The following GALNTL6 variants were observed in gnomAD, a reference collection of about 807,000 sequenced individuals.
The protein encoded by GALNTL6 is polypeptide N-acetylgalactosaminyltransferase like 6, also known as polypeptide N-acetylgalactosaminyltransferase-like 6.
GALNTL6 carries 46 observed loss-of-function variants against 73.7 expected under a neutral mutation model. The observed-to-expected ratio is 0.62, with a 90% CI of 0.49 to 0.80. GALNTL6 has a LOEUF of 0.80. Ranked by LOEUF, GALNTL6 falls within the 30% of genes least tolerant of loss-of-function variation. The pLI is 0.00. For synonymous variants in GALNTL6, 259 were observed against 263.7 expected (o/e 0.98, Z 0.17); for missense variants, 604 against 755.0 (o/e 0.80, Z 2.34).
chr4:172,016,744 T>C lies in GALNTL6; in HGVS notation c.138+202026T>C, dbSNP rs1011476462. On this transcript the variant is annotated intron_variant, in intron 2 of 12. Coordinates refer to ENST00000506823, the MANE Select transcript of GALNTL6 (RefSeq NM_001034845.3). ...TTTAATTTATTTTTTATTGGATTGA[T>C]TTTTCTTTTAATTTAATTTTTTTAT... 3.5e-5 allele frequency among the ~76,000 whole-genome samples: 5 copies of C among 141,370 alleles called. 1 individual carries two copies. In the East Asian group the frequency reaches 6.1e-4, roughly 17 times the overall value. 92.7% of individuals were successfully genotyped at this position (141,370 alleles called of 152,430 possible).
At position 172,809,912 on chromosome 4, in the gene GALNTL6, T is replaced by TACACAC. The variant is rs5864170; in HGVS notation, c.739+400_739+405dup. Among the ~76,000 whole-genome samples, 457 of 141,234 alleles carry TACACAC rather than the reference T, an allele frequency of 3.2e-3. 1 individual carries two copies. The highest frequency in any genetic ancestry group is 4.3e-3 in the Admixed American group (61 of 14,028). 92.7% of individuals were successfully genotyped at this position (141,234 alleles called of 152,430 possible). A position where few individuals can be genotyped will look rare whatever the true frequency, so the allele number is the denominator to read the frequency against. ...TCCTGTAGCTACAGCAAGATTAAAA[T>TACACAC]ACACACACACACACACACACACACA... On this transcript the variant is annotated intron_variant, in intron 6 of 12. Coordinates refer to ENST00000506823, the MANE Select transcript of GALNTL6 (RefSeq NM_001034845.3). This position sits in a 1 kb window ranked among gnomAD's most constrained non-coding sequence, Gnocchi z 4.4.
At chr4:172,150,832 C>T (rs1251323940) in intron 2 of GALNTL6, among the ~76,000 whole-genome samples, 1 of 152,000 alleles carries the variant, frequency 6.6e-6, no homozygotes, top group African/African-American at 2.4e-5. Context: ...TTAATAATGT[C>T]TTATAGTACA....
At chr4:172,898,423 A>G (rs557084613) in intron 8 of GALNTL6, among the ~76,000 whole-genome samples, 4 of 151,614 alleles carry the variant, frequency 2.6e-5, no homozygotes, top group East Asian at 3.9e-4. Flanking sequence ...GCAAAAGGTT[A>G]TACTCCAAAC....
intron 5 of GALNTL6, among the ~76,000 whole-genome samples, chr4:172,662,525 G>A (rs993003306): frequency 6.6e-6 from 1 of 152,288 alleles, no homozygotes; most frequent in Middle Eastern, 3.4e-3. Flanking sequence ...GGGAAACCTG[G>A]AGCAGAAACG....
At chr4:172,115,056 A>G (rs1315332804) in intron 2 of GALNTL6, among the ~76,000 whole-genome samples, 1 of 152,052 alleles carries the variant, frequency 6.6e-6, no homozygotes, top group Non-Finnish European at 1.5e-5. Context: ...GCATAATGAG[A>G]TTTCATTGTG....
chr4:172,624,654 A>G (rs1739093321), intron 5 of GALNTL6, among the ~76,000 whole-genome samples: 1 of 152,116 alleles, frequency 6.6e-6, no homozygotes. Flanking sequence ...ACAAGTATCT[A>G]CTGCTCTGCA....
chr4:172,317,337 G>A (rs1014425730), intron 4 of GALNTL6, among the ~76,000 whole-genome samples: 13 of 152,260 alleles, frequency 8.5e-5, no homozygotes, highest in East Asian at 5.8e-4. Flanking sequence ...GCCCATTTCC[G>A]TAAGCGGGGA....
intron 2 of GALNTL6, among the ~76,000 whole-genome samples, chr4:172,043,185 T>C (rs1742132127): frequency 6.6e-6 from 1 of 152,076 alleles, no homozygotes; most frequent in African/African-American, 2.4e-5. Context: ...CATTTCTTCC[T>C]CAGGAGAATG....
chr4:172,235,832 A>G lies in GALNTL6; in HGVS notation c.247+6068A>G, dbSNP rs147460790. On this transcript the variant is annotated intron_variant, in intron 3 of 12. Coordinates refer to ENST00000506823, the MANE Select transcript of GALNTL6 (RefSeq NM_001034845.3). The stretch of plus-strand genomic sequence containing the variant: ...GTAGTCCCCAGTGTCTACTATTCCC[A>G]TCTTTTTGTCCAGGTATGCCCAGTG... 1.7e-4 allele frequency among the ~76,000 whole-genome samples: 26 copies of G among 152,004 alleles called. No individual in the cohort carries two copies. The East Asian group carries it at 4.9e-3, about 28-fold the overall frequency.
chr4:172,799,286 A>G (rs569978966), intron 5 of GALNTL6, among the ~76,000 whole-genome samples: 1 of 152,310 alleles, frequency 6.6e-6, no homozygotes, highest in East Asian at 1.9e-4. Context: ...GAAGCTGAGA[A>G]GTTTTCAAAC....
intron 2 of GALNTL6, among the ~76,000 whole-genome samples, chr4:171,914,483 T>G (rs1737560115): frequency 1.4e-5 from 2 of 142,868 alleles, no homozygotes; most frequent in South Asian, 4.4e-4. Flanking sequence ...CAGGCTGGAG[T>G]GCAGTGGTGT....
At chr4:172,741,421 T>C (rs998089617) in intron 5 of GALNTL6, among the ~76,000 whole-genome samples, 2 of 152,090 alleles carry the variant, frequency 1.3e-5, no homozygotes, top group African/African-American at 4.8e-5. Context: ...TCCTCTCATA[T>C]CCTTATTGGC....
chr4:171,983,179 C>T (rs879579683), intron 2 of GALNTL6, among the ~76,000 whole-genome samples: 19 of 152,094 alleles, frequency 1.2e-4, no homozygotes, highest in East Asian at 5.8e-4. Context: ...TTTTGGTGTA[C>T]GGTGTACAAA....
intron 5 of GALNTL6, among the ~76,000 whole-genome samples, chr4:172,373,071 G>A (rs970844361): frequency 2.0e-5 from 3 of 152,206 alleles, no homozygotes; most frequent in African/African-American, 7.2e-5. Context: ...TGGTAGCCAA[G>A]AGCAAATCAT....
intron 2 of GALNTL6, among the ~76,000 whole-genome samples, chr4:171,901,244 A>G (rs1249389407): frequency 6.6e-6 from 1 of 152,210 alleles, no homozygotes; most frequent in South Asian, 2.1e-4. Context: ...ACAGAATAAA[A>G]TCTTGGTGAC....
chr4:172,025,519 A>G (rs1429504101), intron 2 of GALNTL6, among the ~76,000 whole-genome samples: 1 of 151,946 alleles, frequency 6.6e-6, no homozygotes, highest in Non-Finnish European at 1.5e-5. Flanking sequence ...AAATGTGAAA[A>G]TATTTATTAT....
chr4:172,131,698 A>C (rs1026073146), intron 2 of GALNTL6, among the ~76,000 whole-genome samples: 16 of 151,738 alleles, frequency 1.1e-4, no homozygotes, highest in Non-Finnish European at 1.5e-5. Flanking sequence ...ATTTATATTT[A>C]GCTGTAGATT....
At chr4:172,197,246 C>T (rs1227471057) in intron 2 of GALNTL6, among the ~76,000 whole-genome samples, 1 of 151,930 alleles carries the variant, frequency 6.6e-6, no homozygotes, top group Non-Finnish European at 1.5e-5. Context: ...AGTGAAATAC[C>T]TCTTCAAGAA....
At chr4:172,253,035 CT>C (rs1235078422) in intron 3 of GALNTL6, among the ~76,000 whole-genome samples, 1 of 151,786 alleles carries the variant, frequency 6.6e-6, no homozygotes, top group African/African-American at 2.4e-5. Flanking sequence ...GAAATTCAAG[CT>C]AATATTTATG....
Sources: allele counts gnomAD v4.1 joint callset (sites outside exome capture counted in the v4.1 genomes callset), GRCh38; gene constraint gnomAD v4.1.1; non-coding constraint Gnocchi (gnomAD v3.1); transcripts MANE v1.5; gene names NCBI Gene and HGNC (gene_info 2026-07-23, HGNC 2026-07-21).